The following CDH18 variants were observed in gnomAD, a reference collection of about 807,000 sequenced individuals.
The protein encoded by CDH18 is cadherin 18, also known as cadherin-18.
A neutral mutation model predicts 67.9 loss-of-function variants in CDH18; 31 were observed. The observed-to-expected ratio is 0.46, with a 90% CI of 0.34 to 0.62. The LOEUF is 0.62. Among genes scored for constraint, CDH18 ranks in the 20% least tolerant of loss-of-function variants. The pLI is 0.01. For missense variants in CDH18, 890 were observed against 975.5 expected (o/e 0.91, Z 1.17); for synonymous variants, 362 against 347.2 (o/e 1.04, Z -0.48).
rs183264177 is a variant in CDH18, at chr5:19,684,907, A to C, written c.643+36440T>G. Among the ~76,000 whole-genome samples the C allele has an allele frequency of 3.4e-4, 51 of 152,174 alleles. No individual in the cohort carries two copies. The East Asian group carries it at 7.0e-3, about 21-fold the overall frequency. On this transcript the variant is annotated intron_variant, in intron 5 of 12. Transcript: ENST00000382275. The stretch of plus-strand genomic sequence containing the variant: ...CTTTTTTGTAGACCTGACACTTCTC[A>C]GGTTGTAATATGGCTGTAAAAATTT...
intron 2 of CDH18, among the ~76,000 whole-genome samples, chr5:20,081,314 T>C (rs904735277): frequency 4.6e-5 from 7 of 152,170 alleles, no homozygotes; most frequent in African/African-American, 1.7e-4. Flanking sequence ...TTATTCTAGT[T>C]AGTTAGATAA....
At chr5:20,377,760 G>A (rs532867135) in intron 1 of CDH18, among the ~76,000 whole-genome samples, 43 of 151,894 alleles carry the variant, frequency 2.8e-4, no homozygotes, top group African/African-American at 9.9e-4. Context: ...TTTATATGGG[G>A]GAAATTAAAA....
At chr5:19,690,654 T>C (rs1353248371) in intron 5 of CDH18, among the ~76,000 whole-genome samples, 1 of 151,446 alleles carries the variant, frequency 6.6e-6, no homozygotes, top group Non-Finnish European at 1.5e-5. Context: ...ATGAACAATA[T>C]ATGCTAACAA....
intron 2 of CDH18, among the ~76,000 whole-genome samples, chr5:20,086,983 T>G (rs1204945122): frequency 1.3e-5 from 2 of 152,232 alleles, no homozygotes; most frequent in Non-Finnish European, 2.9e-5. Context: ...GTCTGATGGA[T>G]CTGAGCAAAA....
intron 1 of CDH18, among the ~76,000 whole-genome samples, chr5:20,465,526 A>G (rs1044530447): frequency 1.3e-5 from 2 of 152,080 alleles, no homozygotes; most frequent in African/African-American, 4.8e-5. Context: ...AGGTATATTT[A>G]AAATTTGTAT....
intron 2 of CDH18, among the ~76,000 whole-genome samples, chr5:20,042,924 T>C (rs1225250557): frequency 6.6e-6 from 1 of 152,092 alleles, no homozygotes; most frequent in Non-Finnish European, 1.5e-5. Context: ...ATCGCGCCAC[T>C]GCACTCCAGC....
intron 4 of CDH18, among the ~76,000 whole-genome samples, 174 bp downstream of exon 4, chr5:19,746,768 C>G (rs780102839): frequency 1.3e-5 from 2 of 152,110 alleles, no homozygotes; most frequent in Non-Finnish European, 2.9e-5. Context: ...AATATAATTG[C>G]TAGACCCAAT....
intron 2 of CDH18, among the ~76,000 whole-genome samples, chr5:20,110,198 A>G (rs930109693): frequency 5.3e-5 from 8 of 152,260 alleles, no homozygotes; most frequent in African/African-American, 1.9e-4. Context: ...TGTGTCTACC[A>G]AAGTACATAA....
chr5:20,493,341 T>C (rs1428975173), intron 1 of CDH18, among the ~76,000 whole-genome samples: 1 of 120,104 alleles, frequency 8.3e-6, no homozygotes, highest in Non-Finnish European at 1.6e-5. Flanking sequence ...AGGGCAAGAC[T>C]CTGTTTCAGA....
chr5:20,547,246 T>C (rs1757391535), intron 1 of CDH18, among the ~76,000 whole-genome samples: 1 of 151,788 alleles, frequency 6.6e-6, no homozygotes, highest in Admixed American at 6.6e-5. Context: ...ATGTTGAAAA[T>C]AAAACTAAAA....
At chr5:19,663,391 A>G (rs907380292) in intron 5 of CDH18, among the ~76,000 whole-genome samples, 2 of 151,992 alleles carry the variant, frequency 1.3e-5, no homozygotes, top group African/African-American at 4.8e-5. Context: ...TTTTGTAATA[A>G]TGATCAAATC....
At chr5:19,935,830 C>T (rs1275501124) in intron 2 of CDH18, among the ~76,000 whole-genome samples, 1 of 149,494 alleles carries the variant, frequency 6.7e-6, no homozygotes, top group Non-Finnish European at 1.5e-5. Context: ...CTCTCTCTCA[C>T]TCTCTCTCTG....
intron 5 of CDH18, among the ~76,000 whole-genome samples, chr5:19,651,141 T>C (rs1189694865): frequency 1.3e-5 from 2 of 152,080 alleles, no homozygotes; most frequent in African/African-American, 4.8e-5. Context: ...GTGTGTGTTA[T>C]TTCTCAAACA....
intron 3 of CDH18, among the ~76,000 whole-genome samples, chr5:19,750,989 G>A (rs1479542350): frequency 6.6e-6 from 1 of 152,038 alleles, no homozygotes. Flanking sequence ...TTAGAGAACG[G>A]CAAAGGAATG....
intron 1 of CDH18, among the ~76,000 whole-genome samples, chr5:20,402,565 G>T (rs1034529272): frequency 6.6e-6 from 1 of 152,180 alleles, no homozygotes; most frequent in Non-Finnish European, 1.5e-5. Flanking sequence ...GTTTCCCAGT[G>T]CATTAAAAAG....
intron 3 of CDH18, among the ~76,000 whole-genome samples, chr5:19,812,483 A>T (rs999152780): frequency 1.3e-5 from 2 of 152,178 alleles, no homozygotes; most frequent in Admixed American, 1.3e-4. Context: ...TTTGACATGG[A>T]AGTAATAAAT....
At position 20,118,175 on chromosome 5, in the gene CDH18, C is replaced by G. The variant is rs542438788; in HGVS notation, c.-517-126161G>C. Among the ~76,000 whole-genome samples, 3 of 152,062 alleles carry G rather than the reference C, an allele frequency of 2.0e-5. No homozygotes were observed. The East Asian group carries it at 5.8e-4, about 29-fold the overall frequency. ...ACATTAAAAATAGAGTTATAGAAAA[C>G]TTTTGCAAGTTGATTTTTAAAATGG... On this transcript the variant is annotated intron_variant, in intron 2 of 14. Coordinates refer to the CDH18 transcript ENST00000507958.
chr5:19,689,350 C>A (rs1326566703), intron 5 of CDH18, among the ~76,000 whole-genome samples: 1 of 151,458 alleles, frequency 6.6e-6, no homozygotes, highest in Admixed American at 6.6e-5. Flanking sequence ...TCTTACAGGC[C>A]AGGAGAGTAT....
intron 5 of CDH18, among the ~76,000 whole-genome samples, chr5:19,702,946 G>C (rs928538362): frequency 6.6e-6 from 1 of 152,168 alleles, no homozygotes; most frequent in East Asian, 1.9e-4. Context: ...ACATGTTCCT[G>C]CTGCAGATAA....
Sources: gnomAD v4.1 joint callset for allele counts (sites outside exome capture counted in the v4.1 genomes callset) on GRCh38, gnomAD v4.1.1 for gene constraint, MANE v1.5 for transcripts, NCBI Gene and HGNC (gene_info 2026-07-23, HGNC 2026-07-21) for gene names.